Variants in DUS2 observed in about 807,000 individuals in gnomAD.
DUS2 encodes the protein tRNA-dihydrouridine(20) synthase [NAD(P)+]-like.
Under a neutral mutation model 71.3 loss-of-function variants are expected in DUS2, and 52 were observed. The ratio of observed to expected loss-of-function variants is 0.73; its 90% CI spans 0.58 to 0.92. DUS2 has a LOEUF of 0.92. Ranked by LOEUF, DUS2 falls within the 40% of genes least tolerant of loss-of-function variation. The probability of loss-of-function intolerance (pLI) is 0.00; values close to 1 mark genes in which losing one functional copy is unlikely to be tolerated. For synonymous variants in DUS2, 204 were observed against 227.8 expected, an observed-to-expected ratio of 0.90 and a Z score of 0.94; for missense variants, 558 against 622.6, an observed-to-expected ratio of 0.90 and a Z score of 1.10.
intron 4 of DUS2, among the ~76,000 whole-genome samples, chr16:68,050,112 T>C (rs1028322011): frequency 1.3e-5 from 2 of 152,118 alleles, no homozygotes; most frequent in African/African-American, 4.8e-5. Context: ...ATTCCTTGAG[T>C]TTTCTGATAC....
intron 2 of DUS2, among the ~76,000 whole-genome samples, chr16:68,034,211 A>G (rs1429863507): frequency 6.6e-6 from 1 of 152,036 alleles, no homozygotes; most frequent in South Asian, 2.1e-4. Context: ...TACTACAGGC[A>G]TGCACTACCA....
At chr16:68,030,593 A>T (rs772190632) in intron 2 of DUS2, among the ~76,000 whole-genome samples, 1 of 152,018 alleles carries the variant, frequency 6.6e-6, no homozygotes, top group African/African-American at 2.4e-5. Context: ...TCCATCTCAA[A>T]AAATAAATAA....
At chr16:68,057,604 G>T (rs887687534) in intron 7 of DUS2, among the ~76,000 whole-genome samples, 1 of 151,854 alleles carries the variant, frequency 6.6e-6, no homozygotes, top group African/African-American at 2.4e-5. Context: ...AAAAGGCCAG[G>T]CCTGGTGGCT....
chr16:68,075,582 G>A (rs1239693249), intron 14 of DUS2, 78 bp downstream of exon 14: 1 of 1,410,036 alleles, frequency 7.1e-7, no homozygotes, highest in Non-Finnish European at 9.5e-7. Context: ...ACTGGCTGCT[G>A]TATGTGCTTA....
intron 2 of DUS2, among the ~76,000 whole-genome samples, chr16:68,033,310 G>T (rs1263015370): frequency 6.6e-6 from 1 of 152,136 alleles, no homozygotes; most frequent in Non-Finnish European, 1.5e-5. Context: ...ATAGAAGTCA[G>T]TGATGGATTG....
At chr16:68,065,613 A>C (rs2033994483) in intron 8 of DUS2, among the ~76,000 whole-genome samples, 1 of 152,070 alleles carries the variant, frequency 6.6e-6, no homozygotes, top group South Asian at 2.1e-4. Flanking sequence ...CCTGGGAAAC[A>C]GAGCCAGACC....
intron 12 of DUS2, among the ~76,000 whole-genome samples, chr16:68,073,536 G>A (rs1298454333): frequency 3.4e-5 from 5 of 149,202 alleles, no homozygotes; most frequent in African/African-American, 1.0e-4. Flanking sequence ...CGCAACCTTC[G>A]CCTCCAGGGT....
intron 13 of DUS2, among the ~76,000 whole-genome samples, chr16:68,074,432 A>G (rs2034129855): frequency 6.6e-6 from 1 of 152,236 alleles, no homozygotes; most frequent in South Asian, 2.1e-4. Flanking sequence ...GGATAGTCAC[A>G]GGCCAGGCCC....
chr16:68,054,715 C>A, intron 6 of DUS2, 98 bp downstream of exon 6: 2 of 1,407,760 alleles, frequency 1.4e-6, no homozygotes, highest in Non-Finnish European at 1.0e-6. Flanking sequence ...ACCCTTCTGC[C>A]TTCTAGCCCA....
chr16:68,053,511 C>A, intron 4 of DUS2, 53 bp from the exon 5 acceptor site: 2 of 1,558,932 alleles, frequency 1.3e-6, no homozygotes, highest in South Asian at 1.1e-5. Flanking sequence ...CTTAGGCTAG[C>A]GTTGAACTTG....
intron 16 of DUS2, 112 bp downstream of exon 16, chr16:68,078,630 G>C: frequency 6.7e-7 from 1 of 1,489,942 alleles, no homozygotes; most frequent in Non-Finnish European, 9.3e-7. Context: ...TATGTGGGCA[G>C]TGGCATCCCT....
Position 68,038,036 on chromosome 16 carries a change from A to C in DUS2, c.13A>C (p.Ser5Arg). 6.2e-7 allele frequency: 1 copy of C among 1,613,402 alleles called. No homozygotes were observed. Among genetic ancestry groups the C allele is most frequent in the Non-Finnish European group, 8.5e-7 (1 of 1,179,710 alleles). Residue 5 changes from serine (S) to arginine (R), a missense_variant, in exon 3 of 17, where the codon AGC (serine) becomes CGC (arginine). Physicochemically the swap from Ser to Arg is moderately radical, Grantham distance 110. Coordinates refer to ENST00000565263, the MANE Select transcript of DUS2 (RefSeq NM_017803.5). ...AACAGAGGAGGAAATGATTTTGAATAGCCTCTCTCTGTGTTACCATAATAA... is the reference window on the plus strand; with the variant it reads ...AACAGAGGAGGAAATGATTTTGAATCGCCTCTCTCTGTGTTACCATAATAA... MILN[S>R]LSLCYHNKLI...
chr16:68,034,951 A>C (rs2033495527), intron 2 of DUS2, among the ~76,000 whole-genome samples: 1 of 152,192 alleles, frequency 6.6e-6, no homozygotes, highest in Non-Finnish European at 1.5e-5. Context: ...CAGTGAGCCA[A>C]GATTGCACCA....
intron 6 of DUS2, among the ~76,000 whole-genome samples, chr16:68,055,041 TA>T (rs11371162): frequency 6.7e-5 from 10 of 148,476 alleles, no homozygotes; most frequent in South Asian, 2.1e-4. Context: ...GACTCTGTCT[TA>T]AAAAAAAAAG....
At position 68,059,340 on chromosome 16, in the gene DUS2, A is replaced by C. The variant is rs61282822; in HGVS notation, c.370-1726A>C. 4.9e-3 allele frequency among the ~76,000 whole-genome samples: 745 copies of C among 152,334 alleles called. 8 individuals carry two copies. The highest frequency in any genetic ancestry group is 0.017 in the African/African-American group (705 of 41,580). Reference sequence around the variant, plus strand: ...TTTTACCTATTCAAAAAAGCAAGTAAGTTTAATAGAAACGAAGGAAGGAAG... The same window carrying C: ...TTTTACCTATTCAAAAAAGCAAGTACGTTTAATAGAAACGAAGGAAGGAAG... On this transcript the variant is annotated intron_variant, in intron 7 of 16. Transcript: ENST00000565263.
chr16:68,025,821 G>T (rs571072208), intron 2 of DUS2, among the ~76,000 whole-genome samples: 31 of 152,250 alleles, frequency 2.0e-4, no homozygotes, highest in Admixed American at 1.7e-3. Context: ...AAGCTCCTGA[G>T]ATCAGGAGCT....
At chr16:68,046,689 A>G (rs908383271) in intron 3 of DUS2, among the ~76,000 whole-genome samples, 2 of 149,916 alleles carry the variant, frequency 1.3e-5, no homozygotes, top group Non-Finnish European at 3.0e-5. Context: ...GGTTTATATT[A>G]TTTCCTTATA....
rs1567474838 is a variant in DUS2, at chr16:68,049,497, C to T, written c.127-8C>T. ...AGGAATGACAAGCGTCCTCTGATTC[C>T]TCTGCAGGAGCTGATCGACCTCAAG... On this transcript the variant is annotated splice_region_variant and splice_polypyrimidine_tract_variant and intron_variant, in intron 3 of 16. Coordinates refer to ENST00000565263, the MANE Select transcript of DUS2 (RefSeq NM_017803.5). 6 of 1,614,108 alleles carry T rather than the reference C, an allele frequency of 3.7e-6. No individual in the cohort carries two copies. The highest frequency in any genetic ancestry group is 3.4e-6 in the Non-Finnish European group (4 of 1,179,948).
intron 6 of DUS2, among the ~76,000 whole-genome samples, chr16:68,054,887 A>G (rs569577304): frequency 1.3e-5 from 2 of 152,250 alleles, no homozygotes; most frequent in East Asian, 3.9e-4. Context: ...TACTAAAAAT[A>G]CAAAAATTAG....
Sources: allele counts gnomAD v4.1 joint callset (sites outside exome capture counted in the v4.1 genomes callset), GRCh38; gene constraint gnomAD v4.1.1; transcripts MANE v1.5; gene names NCBI Gene and HGNC (gene_info 2026-07-23, HGNC 2026-07-21).